The following AGBL4 variants were observed in gnomAD, a reference collection of about 807,000 sequenced individuals.
AGBL4 encodes AGBL carboxypeptidase 4, also known as cytosolic carboxypeptidase 6.
In AGBL4, 58 loss-of-function variants were observed where a neutral mutation model predicts 66.4. The ratio of observed to expected loss-of-function variants is 0.87; its 90% CI spans 0.71 to 1.09. The LOEUF (loss-of-function observed/expected upper bound fraction) is 1.09. Among genes scored for constraint, AGBL4 ranks in the 50% least tolerant of loss-of-function variants. AGBL4 has a pLI of 0.00. For synonymous variants in AGBL4, 234 were observed against 222.9 expected (o/e 1.05, Z -0.44); for missense variants, 579 against 631.0 (o/e 0.92, Z 0.88).
intron 11 of AGBL4, among the ~76,000 whole-genome samples, chr1:48,552,860 C>G (rs1034847404): frequency 6.6e-6 from 1 of 151,724 alleles, no homozygotes; most frequent in Admixed American, 6.6e-5. Context: ...GAGAGGGATA[C>G]CACTCACAGG....
intron 4 of AGBL4, among the ~76,000 whole-genome samples, chr1:49,053,368 C>T (rs181120321): frequency 1.5e-3 from 229 of 152,272 alleles, no homozygotes; most frequent in African/African-American, 5.3e-3. Context: ...CTAAGTGTGT[C>T]TGGATACAGG....
At chr1:49,059,776 T>A (rs1363558774) in intron 4 of AGBL4, among the ~76,000 whole-genome samples, 20 of 152,098 alleles carry the variant, frequency 1.3e-4, no homozygotes, top group Admixed American at 1.3e-3. Context: ...TCAAAGGAGA[T>A]CATTTTGGAA....
Position 49,244,474 on chromosome 1 carries a change from G to T in AGBL4, c.377+1296C>A, listed in dbSNP as rs368539698. Among the ~76,000 whole-genome samples the T allele has an allele frequency of 1.4e-3, 216 of 151,838 alleles. 2 individuals are homozygous for T. Among genetic ancestry groups the T allele is most frequent in the South Asian group, 9.5e-3 (46 of 4,824 alleles). On this transcript the variant is annotated intron_variant, in intron 4 of 13. Coordinates refer to ENST00000371839, the MANE Select transcript of AGBL4 (RefSeq NM_032785.4). ...GATATTTTCACCTTTCATAAACAGT[G>T]TTTATTATTGTCATCAAATGCCTAC...
At chr1:49,630,082 G>C (rs147923230) in intron 3 of AGBL4, among the ~76,000 whole-genome samples, 7 of 152,184 alleles carry the variant, frequency 4.6e-5, no homozygotes, top group Non-Finnish European at 1.0e-4. Flanking sequence ...TCTGGCTCCT[G>C]GTTGTTAAAC....
At chr1:49,997,241 C>T (rs924795376) in intron 1 of AGBL4, among the ~76,000 whole-genome samples, 2 of 152,078 alleles carry the variant, frequency 1.3e-5, no homozygotes, top group Non-Finnish European at 2.9e-5. Flanking sequence ...CCTAAATGCT[C>T]CACTTAAAAG....
At chr1:48,538,334 T>G (rs1644006607) in intron 12 of AGBL4, among the ~76,000 whole-genome samples, 1 of 152,234 alleles carries the variant, frequency 6.6e-6, no homozygotes, top group Non-Finnish European at 1.5e-5. Flanking sequence ...ATCTACTAGC[T>G]GCTGGGCACT....
At chr1:48,997,193 GATTAC>G (rs1322207471) in intron 5 of AGBL4, among the ~76,000 whole-genome samples, 24 of 152,276 alleles carry the variant, frequency 1.6e-4, no homozygotes, top group Non-Finnish European at 2.6e-4. Flanking sequence ...AAAGTGCTGG[GATTAC>G]AGGTGTGAGC....
chr1:49,519,567 A>T (rs1650092383), intron 3 of AGBL4, among the ~76,000 whole-genome samples: 1 of 152,078 alleles, frequency 6.6e-6, no homozygotes, highest in African/African-American at 2.4e-5. Context: ...GAATTTTAAT[A>T]TTATTTTCAC....
chr1:49,250,663 C>G (rs2082281), intron 3 of AGBL4, among the ~76,000 whole-genome samples: 2 of 151,638 alleles, frequency 1.3e-5, no homozygotes, highest in Admixed American at 6.6e-5. Context: ...AGGATGGTCT[C>G]GAACTCTTGA....
intron 5 of AGBL4, among the ~76,000 whole-genome samples, chr1:49,038,179 G>A (rs1664812955): frequency 6.6e-6 from 1 of 152,064 alleles, no homozygotes; most frequent in Non-Finnish European, 1.5e-5. Flanking sequence ...TCTAGATAAT[G>A]CTAGTTACAT....
At chr1:49,505,178 A>C (rs1254429049) in intron 3 of AGBL4, among the ~76,000 whole-genome samples, 1 of 151,996 alleles carries the variant, frequency 6.6e-6, no homozygotes, top group African/African-American at 2.4e-5. Context: ...TCTTTTTATA[A>C]TATATATCCC....
intron 1 of AGBL4, among the ~76,000 whole-genome samples, chr1:49,929,748 T>A (rs964843827): frequency 6.6e-6 from 1 of 152,114 alleles, no homozygotes; most frequent in African/African-American, 2.4e-5. Flanking sequence ...AATAAAGACT[T>A]TTTATATTAT....
chr1:49,700,030 A>G (rs1314291951), intron 2 of AGBL4, among the ~76,000 whole-genome samples: 1 of 151,612 alleles, frequency 6.6e-6, no homozygotes, highest in Non-Finnish European at 1.5e-5. Context: ...AAATAAAATA[A>G]TTTTTTAAAT....
chr1:48,704,211 T>A (rs1374287094), intron 6 of AGBL4, among the ~76,000 whole-genome samples: 2 of 152,210 alleles, frequency 1.3e-5, no homozygotes, highest in East Asian at 3.8e-4. Flanking sequence ...AAATATAGTA[T>A]AAAGATTTAA....
chr1:49,120,007 C>CT (rs1051460213), intron 4 of AGBL4, among the ~76,000 whole-genome samples: 58 of 151,932 alleles, frequency 3.8e-4, no homozygotes, highest in Non-Finnish European at 7.2e-4. Context: ...GCAACACCTG[C>CT]TTTTTTTTGC....
intron 3 of AGBL4, among the ~76,000 whole-genome samples, chr1:49,579,624 C>T (rs778825616): frequency 4.6e-5 from 7 of 152,058 alleles, no homozygotes; most frequent in Admixed American, 6.5e-5. Context: ...CTCAGCCTCC[C>T]GAGTAGCTGG....
At chr1:50,017,808 ATAACCTG>A (rs1308248707) in intron 1 of AGBL4, among the ~76,000 whole-genome samples, 2 of 152,208 alleles carry the variant, frequency 1.3e-5, no homozygotes, top group Admixed American at 6.5e-5. Flanking sequence ...GGGTGATGAA[ATAACCTG>A]TACACCAAAC....
intron 2 of AGBL4, among the ~76,000 whole-genome samples, chr1:49,763,971 C>T (rs1652535128): frequency 6.6e-6 from 1 of 152,140 alleles, no homozygotes; most frequent in African/African-American, 2.4e-5. Flanking sequence ...GGCTTGGGCT[C>T]CCAGTGCAGC....
intron 6 of AGBL4, among the ~76,000 whole-genome samples, chr1:48,856,216 T>A (rs951704433): frequency 6.6e-6 from 1 of 152,168 alleles, no homozygotes; most frequent in Non-Finnish European, 1.5e-5. Context: ...GAGAAAGTGA[T>A]GATAAAAAGA....
Sources: gnomAD v4.1 joint callset for allele counts (sites outside exome capture counted in the v4.1 genomes callset) on GRCh38, gnomAD v4.1.1 for gene constraint, MANE v1.5 for transcripts, NCBI Gene and HGNC (gene_info 2026-07-23, HGNC 2026-07-21) for gene names.